Variants in PLA2G2D observed in about 807,000 individuals in gnomAD.
The protein encoded by PLA2G2D is group IID secretory phospholipase A2.
PLA2G2D carries 17 observed loss-of-function variants against 13.9 expected under a neutral mutation model. The ratio of observed to expected loss-of-function variants is 1.23; its 90% CI spans 0.84 to 1.84. The LOEUF (loss-of-function observed/expected upper bound fraction) is 1.84, where lower values mean the gene tolerates loss of function less well. Ranked by LOEUF, PLA2G2D falls within the 40% of genes most tolerant of loss-of-function variation. The pLI, the probability that PLA2G2D is intolerant of heterozygous loss-of-function variation, is 0.00. For synonymous variants in PLA2G2D, 83 were observed against 69.3 expected (o/e 1.20, Z -0.98); for missense variants, 194 against 178.7 (o/e 1.09, Z -0.49).
chr1:20,118,752 G>A (rs2017035554), intron 1 of PLA2G2D, among the ~76,000 whole-genome samples: 2 of 152,150 alleles, frequency 1.3e-5, no homozygotes, highest in African/African-American at 4.8e-5. Flanking sequence ...GTTCATCTGT[G>A]TATTTGATCT....
At chr1:20,115,360 A>G (rs573362125) in intron 3 of PLA2G2D, 147 bp downstream of exon 3, 21 of 649,664 alleles carry the variant, frequency 3.2e-5, no homozygotes, top group Admixed American at 2.5e-4. Flanking sequence ...CCCCATACCC[A>G]TTCTTGCCTC....
At position 20,119,481 on chromosome 1, in the gene PLA2G2D, C is replaced by T; in HGVS notation, c.18G>A (p.Leu6=). The T allele has an allele frequency of 2.5e-6, 4 of 1,613,962 alleles. No individual in the cohort carries two copies. The highest frequency in any genetic ancestry group is 3.4e-6 in the Non-Finnish European group (4 of 1,179,912). MELAL[L]CGLVVMAGVI... Reference sequence around the variant, plus strand: ...CACCAGCCATCACCACCAGCCCACACAGCAGTGCAAGTTCCATGATCCCAG... The same window carrying T: ...CACCAGCCATCACCACCAGCCCACATAGCAGTGCAAGTTCCATGATCCCAG... The change falls in exon 1 of 4, where the codon CTG becomes CTA. Residue 6 remains leucine (L), a synonymous_variant. Coordinates refer to ENST00000375105, the MANE Select transcript of PLA2G2D (RefSeq NM_012400.4).
intron 3 of PLA2G2D, among the ~76,000 whole-genome samples, chr1:20,115,128 T>TA (rs990526796): frequency 2.6e-4 from 39 of 152,294 alleles, no homozygotes; most frequent in African/African-American, 8.7e-4. Context: ...ATGATGAAAG[T>TA]AACAGCCAAT....
chr1:20,116,417 C>A lies in PLA2G2D; in HGVS notation c.101G>T (p.Gly34Val). ...CCAGTAGGAGAGGATGGGCATTTTC[C>A]CAGTCACTTGCTTGACCATCTTGTT... The part of the protein sequence containing the change: ...NLNKMVKQVT[G>V]KMPILSYWPY... Residue 34 changes from glycine to valine, a missense_variant, in exon 2 of 4, where the codon GGG becomes GTG. Coordinates refer to ENST00000375105, the MANE Select transcript of PLA2G2D (RefSeq NM_012400.4). The A allele has an allele frequency of 6.2e-7, 1 of 1,614,168 alleles. No homozygotes were observed. Among genetic ancestry groups the A allele is most frequent in the Non-Finnish European group, 8.5e-7 (1 of 1,180,018 alleles).
intron 1 of PLA2G2D, among the ~76,000 whole-genome samples, chr1:20,118,706 C>G (rs1209340917): frequency 6.6e-6 from 1 of 152,306 alleles, no homozygotes; most frequent in East Asian, 1.9e-4. Flanking sequence ...TAAAGTCATA[C>G]TGCTAAGAGA....
rs2016894528 is a variant in PLA2G2D at position 20,111,973 on chromosome 1, A to ATTTTATTTTATTTTT, written c.*2140_*2141insAAAAATAAAATAAAA. On this transcript the variant is annotated 3_prime_UTR_variant, in exon 4 of 4. Coordinates refer to ENST00000375105, the MANE Select transcript of PLA2G2D (RefSeq NM_012400.4). ...ATTTTATTTTATTTTATTTTATTTT[A>ATTTTATTTTATTTTT]TTTTATTTTTTGAGACAGAGTGTCA... 3.6e-5 allele frequency: 5 copies of ATTTTATTTTATTTTT among 139,672 alleles called. No homozygotes were observed. The highest frequency in any genetic ancestry group is 7.6e-5 in the Non-Finnish European group (5 of 65,976). 8.7% of individuals were successfully genotyped at this position (139,672 alleles called of 1,614,324 possible).
At chr1:20,118,017 G>A (rs145066972) in intron 1 of PLA2G2D, among the ~76,000 whole-genome samples, 2 of 152,248 alleles carry the variant, frequency 1.3e-5, no homozygotes, top group Non-Finnish European at 2.9e-5. Flanking sequence ...GTTAAGACAT[G>A]TACAAGAGAA....
In PLA2G2D at chr1:20,114,273, A is replaced by AG. The variant is rs1312033769; in HGVS notation, c.293-15dup. ...TTCCCTTGTCAGCTGTGGACGGAGA[A>AG]GGGGGAGCTATGTGTTTGTCCTTTT... On this transcript the variant is annotated splice_polypyrimidine_tract_variant and intron_variant, in intron 3 of 3. Coordinates refer to ENST00000375105, the MANE Select transcript of PLA2G2D (RefSeq NM_012400.4). 3.7e-6 allele frequency: 6 copies of AG among 1,610,506 alleles called. No individual in the cohort carries two copies. Among genetic ancestry groups the AG allele is most frequent in the Non-Finnish European group, 3.4e-6 (4 of 1,177,986 alleles).
chr1:20,115,498 C>T lies in PLA2G2D; in HGVS notation c.292+9G>A, dbSNP rs199853231. 14 of 1,480,854 alleles carry T rather than the reference C, an allele frequency of 9.5e-6. No homozygotes were observed. Among genetic ancestry groups the T allele is most frequent in the Non-Finnish European group, 1.2e-5 (13 of 1,059,776 alleles). 91.7% of individuals were successfully genotyped at this position (1,480,854 alleles called of 1,614,324 possible). A position where few individuals can be genotyped will look rare whatever the true frequency, so the allele number is the denominator to read the frequency against. Reference sequence around the variant, plus strand: ...TCTCCAGCTCCTGCCCTGAGGTCTGCGTACTCACAGCAGTGGATGTTCCCC... The same window carrying T: ...TCTCCAGCTCCTGCCCTGAGGTCTGTGTACTCACAGCAGTGGATGTTCCCC... On this transcript the variant is annotated intron_variant, in intron 3 of 3. Coordinates refer to ENST00000375105, the MANE Select transcript of PLA2G2D (RefSeq NM_012400.4).
At chr1:20,116,286 C>G (rs758703730) in intron 2 of PLA2G2D, 47 bp downstream of exon 2, 3 of 1,583,386 alleles carry the variant, frequency 1.9e-6, no homozygotes, top group Admixed American at 3.3e-5. Flanking sequence ...AGAAGAGTAC[C>G]GTAGTCGGGG....
Position 20,113,980 on chromosome 1 carries a change from T to G in PLA2G2D, c.*134A>C. The stretch of plus-strand genomic sequence containing the variant: ...GAAAGCTTCAGAAGGTCAGAAGGCA[T>G]TGGTAGAGGGTTCCGGGGGAGGCTG... On this transcript the variant is annotated 3_prime_UTR_variant, in exon 4 of 4. Coordinates refer to ENST00000375105, the MANE Select transcript of PLA2G2D (RefSeq NM_012400.4). 11 of 697,902 alleles carry G rather than the reference T, an allele frequency of 1.6e-5. No individual in the cohort carries two copies. Among genetic ancestry groups the G allele is most frequent in the Middle Eastern group, 4.2e-4 (1 of 2,358 alleles). 43.2% of individuals were successfully genotyped at this position (697,902 alleles called of 1,614,324 possible). A position where few individuals can be genotyped will look rare whatever the true frequency, so the allele number is the denominator to read the frequency against.
At chr1:20,115,644 G>T in intron 2 of PLA2G2D, 31 bp from the exon 3 acceptor site, 1 of 1,384,584 alleles carries the variant, frequency 7.2e-7, no homozygotes, top group Non-Finnish European at 1.0e-6. Flanking sequence ...AGCTGCATGG[G>T]TCCCCAGCCT....
intron 1 of PLA2G2D, among the ~76,000 whole-genome samples, chr1:20,116,881 G>A (rs1330554903): frequency 6.6e-6 from 1 of 152,020 alleles, no homozygotes; most frequent in African/African-American, 2.4e-5. Context: ...TTGGGAGGCT[G>A]AGGTGGGAGG....
chr1:20,114,300 C>T (rs765127429), intron 3 of PLA2G2D, 41 bp from the exon 4 acceptor site: 36 of 1,590,270 alleles, frequency 2.3e-5, no homozygotes, highest in Middle Eastern at 1.8e-4. Flanking sequence ...TGTCCTTTTC[C>T]GAGACAGAGG....
At chr1:20,117,296 T>A (rs62541862) in intron 1 of PLA2G2D, among the ~76,000 whole-genome samples, 2 of 152,184 alleles carry the variant, frequency 1.3e-5, no homozygotes, top group African/African-American at 4.8e-5. Context: ...CCAGAATTCA[T>A]CATTTACAAC....
intron 1 of PLA2G2D, among the ~76,000 whole-genome samples, chr1:20,117,419 A>G (rs922744710): frequency 6.6e-6 from 1 of 152,190 alleles, no homozygotes; most frequent in African/African-American, 2.4e-5. Flanking sequence ...AGTCTGTAAT[A>G]AAGAGAGTGT....
At chr1:20,114,560 G>GA (rs1024054036) in intron 3 of PLA2G2D, among the ~76,000 whole-genome samples, 4 of 152,100 alleles carry the variant, frequency 2.6e-5, no homozygotes, top group African/African-American at 9.7e-5. Flanking sequence ...CCACAGGGAG[G>GA]AAAAAAACAA....
chr1:20,114,233 G>A lies in PLA2G2D; in HGVS notation c.319C>T (p.Gln107Ter). The A allele has an allele frequency of 5.6e-6, 9 of 1,614,034 alleles. No homozygotes were observed. The highest frequency in any genetic ancestry group is 7.6e-6 in the Non-Finnish European group (9 of 1,179,930). Residue 107 changes from glutamine to a stop codon, truncating the protein, a stop_gained, in exon 4 of 4, where the codon CAG becomes TAG. Coordinates refer to ENST00000375105, the MANE Select transcript of PLA2G2D (RefSeq NM_012400.4). LOFTEE classifies it low-confidence loss of function (END_TRUNC). ...ACCTCCTTGTCACAGGCACACAGCT[G>A]CTGCTCACACCAGCTTCCCTTGTCA... ...CSDKGSWCEQ[Q>*]LCACDKEVAF...
At position 20,115,567 on chromosome 1, in the gene PLA2G2D, C is replaced by T. The variant is rs757771423; in HGVS notation, c.232G>A (p.Gly78Arg). 4.3e-6 allele frequency: 7 copies of T among 1,613,168 alleles called. No individual in the cohort carries two copies. Among genetic ancestry groups the T allele is most frequent in the Non-Finnish European group, 5.9e-6 (7 of 1,179,156 alleles). Reference sequence around the variant, plus strand: ...TAATAGTCCTTGTAGATGCTGCACCCCTGGGTCTTCAGGTGGTCATAGCAG... The same window carrying T: ...TAATAGTCCTTGTAGATGCTGCACCTCTGGGTCTTCAGGTGGTCATAGCAG... ...DCCYDHLKTQ[G>R]CSIYKDYYRY... The change falls in exon 3 of 4, where the codon GGG becomes AGG. Residue 78 changes from glycine (G) to arginine (R), a missense_variant. Physicochemically the swap from Gly to Arg is moderately radical, Grantham distance 125. Coordinates refer to ENST00000375105, the MANE Select transcript of PLA2G2D (RefSeq NM_012400.4).
Sources: gnomAD v4.1 joint callset for allele counts (sites outside exome capture counted in the v4.1 genomes callset) on GRCh38, gnomAD v4.1.1 for gene constraint, MANE v1.5 for transcripts, NCBI Gene and HGNC (gene_info 2026-07-23, HGNC 2026-07-21) for gene names.